Variants in DAB1 observed in about 807,000 individuals in gnomAD.
DAB1 encodes disabled homolog 1.
Under a neutral mutation model 64.6 loss-of-function variants are expected in DAB1, and 15 were observed. The ratio of observed to expected loss-of-function variants is 0.23; its 90% CI spans 0.16 to 0.36. The LOEUF is 0.36. Ranked by LOEUF, DAB1 falls within the 10% of genes least tolerant of loss-of-function variation. The pLI, the probability that DAB1 is intolerant of heterozygous loss-of-function variation, is 1.00. For synonymous variants in DAB1, 235 were observed against 251.9 expected (o/e 0.93, Z 0.64); for missense variants, 596 against 706.7 (o/e 0.84, Z 1.78).
At chr1:57,576,307 T>C (rs1365291977) in intron 7 of DAB1, among the ~76,000 whole-genome samples, 2 of 152,178 alleles carry the variant, frequency 1.3e-5, no homozygotes, top group Non-Finnish European at 2.9e-5. Context: ...ACTGACGATA[T>C]CTTCAACTTA....
intron 3 of DAB1, among the ~76,000 whole-genome samples, chr1:57,137,299 CTA>C (rs1322106931): frequency 6.6e-6 from 1 of 152,154 alleles, no homozygotes; most frequent in East Asian, 1.9e-4. Flanking sequence ...GAAGATATGT[CTA>C]TGAGTTAGTG....
intron 3 of DAB1, among the ~76,000 whole-genome samples, chr1:58,505,473 G>A (rs1303233876): frequency 1.3e-5 from 2 of 152,028 alleles, no homozygotes; most frequent in Admixed American, 6.6e-5. Context: ...GATTTTCAGA[G>A]GATACTGAAA....
intron 5 of DAB1, among the ~76,000 whole-genome samples, chr1:58,064,168 C>T (rs968362231): frequency 6.6e-6 from 1 of 152,282 alleles, no homozygotes; most frequent in African/African-American, 2.4e-5. Flanking sequence ...GAAAGAACCA[C>T]GGGGCCTCGT....
chr1:57,766,859 C>A (rs540494815), intron 6 of DAB1, among the ~76,000 whole-genome samples: 26 of 131,964 alleles, frequency 2.0e-4, no homozygotes. Flanking sequence ...CCACGACCCC[C>A]TTTTCAGGTT....
chr1:58,531,860 C>G (rs939619010), intron 1 of DAB1, among the ~76,000 whole-genome samples: 1 of 152,004 alleles, frequency 6.6e-6, no homozygotes, highest in East Asian at 1.9e-4. Flanking sequence ...AGGTACCCAC[C>G]ACCATGCTCA....
chr1:57,316,032 G>A (rs566985856), intron 1 of DAB1, among the ~76,000 whole-genome samples: 11 of 152,192 alleles, frequency 7.2e-5, no homozygotes, highest in African/African-American at 1.4e-4. Context: ...TTTAAAGATC[G>A]GAAAACTGTA....
chr1:57,799,589 G>T (rs1321531937), intron 6 of DAB1, among the ~76,000 whole-genome samples: 1 of 151,956 alleles, frequency 6.6e-6, no homozygotes, highest in Non-Finnish European at 1.5e-5. Flanking sequence ...AAGATCTGGG[G>T]GGGGCTTTCA....
intron 5 of DAB1, among the ~76,000 whole-genome samples, chr1:58,011,186 A>G (rs1427018797): frequency 6.6e-6 from 1 of 152,180 alleles, no homozygotes; most frequent in African/African-American, 2.4e-5. Context: ...AGGGGCTAGG[A>G]AAAGGAATGT....
At chr1:57,818,623 C>T (rs746327333) in intron 6 of DAB1, among the ~76,000 whole-genome samples, 13 of 152,086 alleles carry the variant, frequency 8.5e-5, no homozygotes, top group East Asian at 3.9e-4. Flanking sequence ...TGAAACCCTA[C>T]GCATTAGGTT....
chr1:58,171,025 T>C (rs1656143657), intron 4 of DAB1, among the ~76,000 whole-genome samples: 1 of 152,210 alleles, frequency 6.6e-6, no homozygotes, highest in Non-Finnish European at 1.5e-5. Context: ...AGCCTCTAAC[T>C]TTCTCCCACC....
intron 1 of DAB1, among the ~76,000 whole-genome samples, chr1:57,383,827 G>T (rs983551620): frequency 1.2e-4 from 19 of 152,218 alleles, no homozygotes; most frequent in Middle Eastern, 3.4e-3. Context: ...CAAAGGAAAA[G>T]TTTCACAATA....
intron 2 of DAB1, among the ~76,000 whole-genome samples, chr1:57,278,197 AC>A (rs1392811120): frequency 6.6e-6 from 1 of 152,246 alleles, no homozygotes; most frequent in African/African-American, 2.4e-5. Flanking sequence ...CCTTCTATTT[AC>A]ACGATGGGTG....
chr1:57,249,024 GC>G (rs1669118664), intron 2 of DAB1, among the ~76,000 whole-genome samples: 1 of 152,192 alleles, frequency 6.6e-6, no homozygotes, highest in Non-Finnish European at 1.5e-5. Flanking sequence ...TGTGGGCAGT[GC>G]CAAGTCAGAC....
chr1:57,141,009 G>A (rs977543590), intron 3 of DAB1, among the ~76,000 whole-genome samples: 6 of 152,030 alleles, frequency 3.9e-5, no homozygotes, highest in African/African-American at 1.2e-4. Context: ...TGCTCTCCAG[G>A]GAACATGTAA....
intron 4 of DAB1, among the ~76,000 whole-genome samples, chr1:57,131,549 CTTCCCTGGGACAT>C (rs1657652531): frequency 6.6e-6 from 1 of 152,158 alleles, no homozygotes; most frequent in African/African-American, 2.4e-5. Context: ...TTCCTAACTC[CTTCCCTGGGACAT>C]TTCCCTTTCT....
intron 5 of DAB1, among the ~76,000 whole-genome samples, chr1:58,083,542 T>C (rs1256822182): frequency 6.6e-6 from 1 of 152,234 alleles, no homozygotes; most frequent in Non-Finnish European, 1.5e-5. Flanking sequence ...TTTAACTATA[T>C]ATGAATTTAG....
intron 3 of DAB1, among the ~76,000 whole-genome samples, chr1:58,433,941 G>T (rs930353724): frequency 6.6e-6 from 1 of 152,106 alleles, no homozygotes; most frequent in African/African-American, 2.4e-5. Flanking sequence ...GCAGAAGGGA[G>T]AGGCAATGCA....
At chr1:58,150,331 A>G (rs989993534) in intron 5 of DAB1, among the ~76,000 whole-genome samples, 73 of 152,352 alleles carry the variant, frequency 4.8e-4, no homozygotes, top group African/African-American at 1.6e-3. Context: ...AGCAGCAGAC[A>G]AATTAAATAA....
intron 7 of DAB1, among the ~76,000 whole-genome samples, chr1:57,458,770 T>C (rs1350277075): frequency 5.3e-5 from 8 of 152,020 alleles, no homozygotes; most frequent in Admixed American, 4.6e-4. Flanking sequence ...AATGACATAT[T>C]AAAATATGAT....
Sources: gnomAD v4.1 joint callset for allele counts (sites outside exome capture counted in the v4.1 genomes callset) on GRCh38, gnomAD v4.1.1 for gene constraint, MANE v1.5 for transcripts, NCBI Gene and HGNC (gene_info 2026-07-23, HGNC 2026-07-21) for gene names.